CARMIL1: variants seen among roughly 807,000 people sequenced by gnomAD.
CARMIL1 encodes the protein capping protein regulator and myosin 1 linker 1.
A neutral mutation model predicts 177.1 loss-of-function variants in CARMIL1; 90 were observed. That is an observed-to-expected ratio of 0.51 (90% confidence interval 0.43 to 0.61). The LOEUF (loss-of-function observed/expected upper bound fraction) is 0.61, where lower values mean the gene tolerates loss of function less well. Among genes scored for constraint, CARMIL1 ranks in the 20% least tolerant of loss-of-function variants. CARMIL1 has a pLI of 0.00. For synonymous variants in CARMIL1, 577 were observed against 606.2 expected, an observed-to-expected ratio of 0.95 and a Z score of 0.71; for missense variants, 1,380 against 1,667.0, an observed-to-expected ratio of 0.83 and a Z score of 3.00.
chr6:25,299,877 C>G (rs1782711720), intron 2 of CARMIL1, among the ~76,000 whole-genome samples: 1 of 151,264 alleles, frequency 6.6e-6, no homozygotes, highest in South Asian at 2.1e-4. Flanking sequence ...ACTTGGGAGG[C>G]TGAGGCATGA....
intron 17 of CARMIL1, among the ~76,000 whole-genome samples, chr6:25,501,958 A>C (rs1413944436): frequency 2.6e-5 from 4 of 151,282 alleles, no homozygotes; most frequent in Non-Finnish European, 4.4e-5. Flanking sequence ...TTTTGAAAAA[A>C]GAAAAGCAAA....
chr6:25,366,151 C>A (rs1050920593), intron 2 of CARMIL1, among the ~76,000 whole-genome samples: 1 of 150,508 alleles, frequency 6.6e-6, no homozygotes, highest in Non-Finnish European at 1.5e-5. Context: ...TACTACCATG[C>A]CTGGCTAATT....
chr6:25,390,321 T>TATATATATATA (rs1491117122), intron 2 of CARMIL1, among the ~76,000 whole-genome samples: 1 of 38,206 alleles, frequency 2.6e-5, no homozygotes, highest in Admixed American at 3.1e-4. Context: ...TATATATATA[T>TATATATATATA]TTTTTTTTTT....
chr6:25,397,532 C>T (rs1399769903), intron 2 of CARMIL1, among the ~76,000 whole-genome samples: 2 of 152,162 alleles, frequency 1.3e-5, no homozygotes, highest in East Asian at 3.9e-4. Flanking sequence ...GTGGCCGTAG[C>T]TGCCAAACAA....
chr6:25,490,063 G>A (rs529893453), intron 13 of CARMIL1, among the ~76,000 whole-genome samples: 9 of 152,276 alleles, frequency 5.9e-5, no homozygotes, highest in African/African-American at 1.9e-4. Context: ...TGCTTCTGGG[G>A]AGTGGAACGA....
Position 25,326,079 on chromosome 6 carries a change from A to G in CARMIL1, c.138+41170A>G, listed in dbSNP as rs1340973102. On this transcript the variant is annotated intron_variant, in intron 2 of 36. Coordinates refer to ENST00000329474, the MANE Select transcript of CARMIL1 (RefSeq NM_017640.6). This position sits in a 1 kb window ranked among gnomAD's most constrained non-coding sequence, Gnocchi z 4.2. ...GAGACGGAGTTTCACCGTGTTGGCC[A>G]GGATGGTGTCGATTTCCTGACCTCG... Among the ~76,000 whole-genome samples, 1 of 152,182 alleles carries G rather than the reference A, an allele frequency of 6.6e-6. No homozygotes were observed. Among genetic ancestry groups the G allele is most frequent in the Non-Finnish European group, 1.5e-5 (1 of 68,042 alleles).
At chr6:25,579,625 A>G (rs3804121) in intron 29 of CARMIL1, among the ~76,000 whole-genome samples, 20,708 of 152,150 alleles carry the variant, frequency 0.14, 1,450 homozygotes, top group East Asian at 0.23. Flanking sequence ...AAAACCTGTT[A>G]CTTTATAAAT....
At chr6:25,610,910 T>C (rs904669361) in intron 36 of CARMIL1, among the ~76,000 whole-genome samples, 4 of 152,220 alleles carry the variant, frequency 2.6e-5, no homozygotes, top group Admixed American at 2.0e-4. Flanking sequence ...ATAGTGTAAA[T>C]GCCATCTCTG....
intron 20 of CARMIL1, among the ~76,000 whole-genome samples, chr6:25,512,888 G>A (rs1412332181): frequency 6.6e-6 from 1 of 152,170 alleles, no homozygotes; most frequent in Admixed American, 6.5e-5. Flanking sequence ...GGGGGTGCCT[G>A]AAGCCAGGAG....
intron 25 of CARMIL1, among the ~76,000 whole-genome samples, chr6:25,538,434 C>T (rs1808530371): frequency 6.6e-6 from 1 of 152,200 alleles, no homozygotes; most frequent in Non-Finnish European, 1.5e-5. Context: ...CTGCTAGAAT[C>T]ACACAATCAC....
At chr6:25,502,607 A>G (rs1322425777) in intron 17 of CARMIL1, among the ~76,000 whole-genome samples, 1 of 151,958 alleles carries the variant, frequency 6.6e-6, no homozygotes. Context: ...AGATCAAACT[A>G]CTAAATTAGC....
At chr6:25,332,773 G>GCACACACACACACACA (rs376381821) in intron 2 of CARMIL1, among the ~76,000 whole-genome samples, 4 of 104,374 alleles carry the variant, frequency 3.8e-5, no homozygotes, top group African/African-American at 6.8e-5. Context: ...ACACACACAC[G>GCACACACACACACACA]CGCACACACA....
chr6:25,588,278 C>T (rs1018470194), intron 31 of CARMIL1, among the ~76,000 whole-genome samples: 5 of 152,140 alleles, frequency 3.3e-5, no homozygotes. Flanking sequence ...TGAGATAAAC[C>T]TTTACTATGT....
chr6:25,281,746 T>C (rs1377442803), intron 1 of CARMIL1, among the ~76,000 whole-genome samples: 4 of 152,132 alleles, frequency 2.6e-5, no homozygotes, highest in African/African-American at 9.7e-5. Context: ...TCTGCTCTGA[T>C]CAATTCAAAA....
At position 25,544,329 on chromosome 6, in the gene CARMIL1, A is replaced by G. The variant is rs1809213349; in HGVS notation, c.2328+4251A>G. Among the ~76,000 whole-genome samples the G allele has an allele frequency of 2.0e-5, 3 of 152,162 alleles. No individual in the cohort carries two copies. In the South Asian group the frequency reaches 6.2e-4, roughly 32 times the overall value. On this transcript the variant is annotated intron_variant, in intron 26 of 36. Coordinates refer to ENST00000329474, the MANE Select transcript of CARMIL1 (RefSeq NM_017640.6). ...CTAGAATCGTTGTAATAAAAAGTGAAGAGTGCTGAAGATAAAGATCTTGAA... is the reference window on the plus strand; with the variant it reads ...CTAGAATCGTTGTAATAAAAAGTGAGGAGTGCTGAAGATAAAGATCTTGAA...
At chr6:25,584,377 A>T (rs1251762622) in intron 31 of CARMIL1, among the ~76,000 whole-genome samples, 1 of 147,208 alleles carries the variant, frequency 6.8e-6, no homozygotes, top group African/African-American at 2.5e-5. Flanking sequence ...AAAAGAAAGG[A>T]AGGAAGCTGT....
intron 29 of CARMIL1, among the ~76,000 whole-genome samples, chr6:25,565,571 G>A (rs1474336415): frequency 3.9e-5 from 6 of 152,170 alleles, no homozygotes; most frequent in Non-Finnish European, 7.3e-5. Context: ...CAGCGGCTAG[G>A]TACAGTGGCT....
chr6:25,551,008 A>G lies in CARMIL1; in HGVS notation c.2427A>G (p.Glu809=), dbSNP rs1360257698. ...IRQDLIHAST[E]KISIPRTFVK... ...AAGACTTGATTCATGCCAGCACCGA[A>G]AAGATTTCTATTCCACGTACCTTTG... Residue 809 remains glutamate, a synonymous_variant, in exon 27 of 37, where the codon GAA becomes GAG. Coordinates refer to ENST00000329474, the MANE Select transcript of CARMIL1 (RefSeq NM_017640.6). 1 of 1,613,554 alleles carries G rather than the reference A, an allele frequency of 6.2e-7. No individual in the cohort carries two copies. The highest frequency in any genetic ancestry group is 8.5e-7 in the Non-Finnish European group (1 of 1,179,580).
At chr6:25,368,730 A>G (rs950585506) in intron 2 of CARMIL1, among the ~76,000 whole-genome samples, 3 of 152,220 alleles carry the variant, frequency 2.0e-5, no homozygotes, top group Non-Finnish European at 4.4e-5. Context: ...AATGGTTGAA[A>G]TATTTAGATG....
Sources: gnomAD v4.1 joint callset for allele counts (sites outside exome capture counted in the v4.1 genomes callset) on GRCh38, gnomAD v4.1.1 for gene constraint, Gnocchi (gnomAD v3.1) non-coding constraint, MANE v1.5 for transcripts, NCBI Gene and HGNC (gene_info 2026-07-23, HGNC 2026-07-21) for gene names.